GPHN: variants seen among roughly 807,000 people sequenced by gnomAD.
The protein encoded by GPHN is gephyrin.
GPHN carries 17 observed loss-of-function variants against 95.5 expected under a neutral mutation model. The observed-to-expected ratio is 0.18, with a 90% CI of 0.12 to 0.27. The LOEUF (loss-of-function observed/expected upper bound fraction) is 0.27, where lower values mean the gene tolerates loss of function less well. GPHN is among the 10% of genes least tolerant of loss of function. The pLI is 1.00. For synonymous variants in GPHN, 320 were observed against 322.5 expected (o/e 0.99, Z 0.08); for missense variants, 660 against 978.1 (o/e 0.67, Z 4.34).
At chr14:67,562,814 A>C in the GPHN span, 6 of 1,613,728 alleles carry the variant, frequency 3.7e-6, no homozygotes, top group Non-Finnish European at 4.2e-6. Flanking sequence ...AGAGAGCCCA[A>C]AGGCCCTTGG....
the GPHN span, among the ~76,000 whole-genome samples, chr14:67,539,438 C>T: frequency 6.6e-6 from 1 of 152,112 alleles, no homozygotes; most frequent in African/African-American, 2.4e-5. Flanking sequence ...CTTACTCGGT[C>T]CATCAGTGGT....
the GPHN span, among the ~76,000 whole-genome samples, chr14:67,369,863 GAGACCC>G: frequency 6.6e-6 from 1 of 152,200 alleles, no homozygotes; most frequent in Non-Finnish European, 1.5e-5. Flanking sequence ...CTCTGTTGGG[GAGACCC>G]TAACCCAGAG....
the GPHN span, among the ~76,000 whole-genome samples, chr14:67,455,681 T>C: frequency 3.3e-5 from 5 of 152,316 alleles, no homozygotes; most frequent in African/African-American, 1.2e-4. Flanking sequence ...AAAATAATCA[T>C]TTATTTATAA....
At chr14:66,539,734 C>G (rs2059286374) in intron 1 of GPHN, among the ~76,000 whole-genome samples, 1 of 152,116 alleles carries the variant, frequency 6.6e-6, no homozygotes, top group Non-Finnish European at 1.5e-5. Context: ...TTTCTACTTT[C>G]ACCAGTGGAG....
chr14:66,832,392 G>A (rs1484177446), intron 4 of GPHN, among the ~76,000 whole-genome samples: 2 of 152,032 alleles, frequency 1.3e-5, no homozygotes, highest in African/African-American at 4.8e-5. Context: ...ATTAGATATG[G>A]TAGCTCCAAA....
At chr14:67,222,797 G>C in the GPHN span, among the ~76,000 whole-genome samples, 1 of 151,876 alleles carries the variant, frequency 6.6e-6, no homozygotes, top group Non-Finnish European at 1.5e-5. Context: ...CTCAGCTTCA[G>C]TCATGCACAT....
At chr14:66,665,062 G>A (rs1208483470) in intron 1 of GPHN, among the ~76,000 whole-genome samples, 1 of 144,048 alleles carries the variant, frequency 6.9e-6, no homozygotes, top group Admixed American at 7.0e-5. Flanking sequence ...GTACAAAGAA[G>A]AGCTGGTACC....
At chr14:67,248,738 A>G in the GPHN span, among the ~76,000 whole-genome samples, 1 of 152,188 alleles carries the variant, frequency 6.6e-6, no homozygotes, top group Non-Finnish European at 1.5e-5. Context: ...CAAACAAATG[A>G]GCATGACTTT....
the GPHN span, among the ~76,000 whole-genome samples, chr14:67,481,376 G>A: frequency 6.6e-6 from 1 of 152,216 alleles, no homozygotes; most frequent in Admixed American, 6.5e-5. Context: ...CTGGGCAGCA[G>A]GAAGCCATGG....
chr14:66,543,243 C>G (rs1257205076), intron 1 of GPHN, among the ~76,000 whole-genome samples: 1 of 152,110 alleles, frequency 6.6e-6, no homozygotes, highest in Admixed American at 6.5e-5. Context: ...CAGATCCAAA[C>G]CATATCATCA....
the GPHN span, among the ~76,000 whole-genome samples, chr14:67,326,013 G>A: frequency 7.7e-6 from 1 of 129,488 alleles, no homozygotes; most frequent in Non-Finnish European, 1.6e-5. Context: ...TTTTAGTAGA[G>A]ACTGGGTTTC....
chr14:66,652,410 C>CAT (rs891654883), intron 1 of GPHN, among the ~76,000 whole-genome samples: 6 of 151,238 alleles, frequency 4.0e-5, no homozygotes, highest in Admixed American at 1.3e-4. Flanking sequence ...TATAATATAC[C>CAT]ATATATATAT....
intron 4 of GPHN, among the ~76,000 whole-genome samples, chr14:66,825,178 TG>T (rs570344702): frequency 1.1e-3 from 164 of 151,742 alleles, no homozygotes; most frequent in Non-Finnish European, 1.4e-3. Context: ...TTAACTAATA[TG>T]GGGGGGGATG....
intron 8 of GPHN, among the ~76,000 whole-genome samples, chr14:66,957,881 G>A (rs2068636532): frequency 6.6e-6 from 1 of 152,090 alleles, no homozygotes; most frequent in Admixed American, 6.5e-5. Context: ...ATTCTCATAG[G>A]AGCATGAATG....
intron 11 of GPHN, among the ~76,000 whole-genome samples, chr14:67,076,853 T>C (rs2076515445): frequency 6.6e-6 from 1 of 152,162 alleles, no homozygotes; most frequent in Non-Finnish European, 1.5e-5. Flanking sequence ...TTCTCCACTC[T>C]CGATTCATAT....
At chr14:67,374,500 C>A in the GPHN span, 2 of 1,606,560 alleles carry the variant, frequency 1.2e-6, no homozygotes, top group South Asian at 2.2e-5. Flanking sequence ...AAGAGTTTCT[C>A]CAGAGGAAGC....
At chr14:67,199,070 C>T in the GPHN span, 1 of 878,144 alleles carries the variant, frequency 1.1e-6, no homozygotes, top group South Asian at 1.4e-5. Flanking sequence ...CCATGGCTAC[C>T]AGGCCGATCT....
chr14:66,613,248 A>G (rs2062860808), intron 1 of GPHN, among the ~76,000 whole-genome samples: 1 of 152,110 alleles, frequency 6.6e-6, no homozygotes, highest in Admixed American at 6.6e-5. Flanking sequence ...TTGTTTCATT[A>G]ACATTGAATT....
the GPHN span, among the ~76,000 whole-genome samples, chr14:67,549,267 T>C: frequency 1.3e-5 from 2 of 149,324 alleles, no homozygotes; most frequent in Non-Finnish European, 2.9e-5. Flanking sequence ...GTAAAAGAGA[T>C]TTTTAATTTT....
Sources: gnomAD v4.1 joint callset for allele counts (sites outside exome capture counted in the v4.1 genomes callset) on GRCh38, gnomAD v4.1.1 for gene constraint, MANE v1.5 for transcripts, NCBI Gene and HGNC (gene_info 2026-07-23, HGNC 2026-07-21) for gene names.